The following APBA2 variants were observed in gnomAD, a reference collection of about 807,000 sequenced individuals.
APBA2 encodes amyloid-beta A4 precursor protein-binding family A member 2.
APBA2 carries 30 observed loss-of-function variants against 75.0 expected under a neutral mutation model. The observed-to-expected ratio is 0.40, with a 90% CI of 0.30 to 0.54. The LOEUF (loss-of-function observed/expected upper bound fraction) is 0.54. Ranked by LOEUF, APBA2 falls within the 20% of genes least tolerant of loss-of-function variation. The pLI is 0.49. For missense variants in APBA2, 801 were observed against 1,016.1 expected, an observed-to-expected ratio of 0.79 and a Z score of 2.88; for synonymous variants, 444 against 409.6, an observed-to-expected ratio of 1.08 and a Z score of -1.01.
At position 29,054,571 on chromosome 15, in the gene APBA2, C is replaced by T. The variant is rs143079268; in HGVS notation, c.687C>T (p.Ile229=). ...LEDQEEDIDQ[I]VAEIKMSLSM... is the part of the protein sequence containing the mutation. ...ACCAGGAGGAGGACATTGACCAGAT[C>T]GTGGCAGAGATCAAGATGAGTCTGA... Residue 229 remains isoleucine, a synonymous_variant, in exon 4 of 15, where the codon ATC becomes ATT. Coordinates refer to ENST00000683413, the MANE Select transcript of APBA2 (RefSeq NM_001353788.2). The surrounding 1 kb of genome is among the most constrained non-coding windows in gnomAD (Gnocchi z 6.1). The T allele has an allele frequency of 1.9e-4, 313 of 1,613,812 alleles. 1 individual carries two copies. The highest frequency in any genetic ancestry group is 2.3e-4 in the Non-Finnish European group (276 of 1,179,942).
intron 2 of APBA2, among the ~76,000 whole-genome samples, 167 bp from the exon 3 acceptor site, chr15:28,995,586 G>C (rs186016632): frequency 3.9e-5 from 6 of 152,226 alleles, no homozygotes; most frequent in Non-Finnish European, 7.4e-5. Flanking sequence ...TTAATTATTT[G>C]TTTAGGGTAA....
intron 2 of APBA2, among the ~76,000 whole-genome samples, chr15:28,952,764 A>G (rs2035957037): frequency 6.6e-6 from 1 of 152,212 alleles, no homozygotes; most frequent in Non-Finnish European, 1.5e-5. Context: ...CTGTGTTCCT[A>G]CAACTTGAAT....
intron 8 of APBA2, among the ~76,000 whole-genome samples, chr15:29,096,172 C>T (rs1374295438): frequency 6.6e-6 from 1 of 152,230 alleles, no homozygotes; most frequent in East Asian, 1.9e-4. Flanking sequence ...GGGATGACTG[C>T]AGGTCATGCC....
At position 28,935,335 on chromosome 15, in the gene APBA2, A is replaced by G. The variant is rs549680412; in HGVS notation, c.-95+13586A>G. Among the ~76,000 whole-genome samples, 229 of 152,212 alleles carry G rather than the reference A, an allele frequency of 1.5e-3. 3 individuals carry two copies. The highest frequency in any genetic ancestry group is 9.0e-4 in the Non-Finnish European group (61 of 68,010). On this transcript the variant is annotated intron_variant, in intron 2 of 14. Coordinates refer to ENST00000683413, the MANE Select transcript of APBA2 (RefSeq NM_001353788.2). The stretch of plus-strand genomic sequence containing the variant: ...GAAACGTGTCATCTGCATGGCAAGG[A>G]TGGGAATGGGGAGTGGGAACCTGCA...
intron 2 of APBA2, among the ~76,000 whole-genome samples, chr15:28,927,437 T>C (rs2034328658): frequency 1.3e-5 from 2 of 151,976 alleles, no homozygotes; most frequent in African/African-American, 4.8e-5. Context: ...ATTTTGAAAA[T>C]ATTTTGGCCA....
At position 29,006,920 on chromosome 15, in the gene APBA2, C is replaced by A. The variant is rs753365100; in HGVS notation, c.-41+11114C>A. 3.9e-4 allele frequency among the ~76,000 whole-genome samples: 59 copies of A among 152,156 alleles called. 1 individual carries two copies. Among genetic ancestry groups the A allele is most frequent in the Non-Finnish European group, 1.5e-4 (10 of 68,030 alleles). ...AAATAGGAAAATTCGTCCTAAAATTCTTGTGCAATCTCAAGGGACCCTGAA... is the reference window on the plus strand; with the variant it reads ...AAATAGGAAAATTCGTCCTAAAATTATTGTGCAATCTCAAGGGACCCTGAA... On this transcript the variant is annotated intron_variant, in intron 3 of 14. Coordinates refer to ENST00000683413, the MANE Select transcript of APBA2 (RefSeq NM_001353788.2).
In APBA2 at chr15:29,056,476, G is replaced by T. The variant is rs35232307; in HGVS notation, c.951+1641G>T. ...TGCTCTTGTCTGAGACACTGGAAAAGTTCATTTAAACTGGTTAATGATTGT... is the reference window on the plus strand; with the variant it reads ...TGCTCTTGTCTGAGACACTGGAAAATTTCATTTAAACTGGTTAATGATTGT... On this transcript the variant is annotated intron_variant, in intron 4 of 14. Coordinates refer to ENST00000683413, the MANE Select transcript of APBA2 (RefSeq NM_001353788.2). 9.2e-3 allele frequency among the ~76,000 whole-genome samples: 1,400 copies of T among 152,162 alleles called. 7 individuals are homozygous for T. Among genetic ancestry groups the T allele is most frequent in the Middle Eastern group, 0.045 (13 of 292 alleles).
intron 3 of APBA2, among the ~76,000 whole-genome samples, chr15:29,002,955 G>A (rs1255607745): frequency 3.3e-5 from 5 of 152,232 alleles, no homozygotes; most frequent in East Asian, 3.9e-4. Flanking sequence ...GAAGACGGGC[G>A]TTCCAGGCAA....
chr15:29,052,741 C>T lies in APBA2; in HGVS notation c.-40-1104C>T, dbSNP rs143892294. On this transcript the variant is annotated intron_variant, in intron 3 of 14. Transcript: ENST00000683413. Reference sequence around the variant, plus strand: ...TTATAAAGAATGGAGATTTGTTTCTCACAGTTCTGGAGGCTGGGAAGTCCA... The same window carrying T: ...TTATAAAGAATGGAGATTTGTTTCTTACAGTTCTGGAGGCTGGGAAGTCCA... Among the ~76,000 whole-genome samples the T allele has an allele frequency of 7.3e-3, 1,108 of 152,278 alleles. 15 individuals carry two copies. The highest frequency in any genetic ancestry group is 0.026 in the African/African-American group (1,068 of 41,552).
At chr15:28,927,576 C>CATT (rs2034337969) in intron 2 of APBA2, among the ~76,000 whole-genome samples, 1 of 151,710 alleles carries the variant, frequency 6.6e-6, no homozygotes, top group African/African-American at 2.4e-5. Flanking sequence ...CTCCCCAACC[C>CATT]ATTATTATTA....
At chr15:28,888,521 G>A (rs567414177) in intron 1 of APBA2, among the ~76,000 whole-genome samples, 22 of 152,322 alleles carry the variant, frequency 1.4e-4, no homozygotes, top group Admixed American at 9.1e-4. Flanking sequence ...CCTCTGCCAC[G>A]CATACCTGCC....
chr15:28,920,973 G>A (rs1293983119), intron 1 of APBA2, among the ~76,000 whole-genome samples: 1 of 152,144 alleles, frequency 6.6e-6, no homozygotes, highest in African/African-American at 2.4e-5. Context: ...TGCTGGCTGA[G>A]CGCTGATGGC....
At position 28,941,152 on chromosome 15, in the gene APBA2, A is replaced by G. The variant is rs139320851; in HGVS notation, c.-95+19403A>G. Among the ~76,000 whole-genome samples the G allele has an allele frequency of 2.6e-3, 403 of 152,328 alleles. 2 individuals are homozygous for G. The highest frequency in any genetic ancestry group is 9.3e-3 in the African/African-American group (385 of 41,576). On this transcript the variant is annotated intron_variant, in intron 2 of 14. Transcript: ENST00000683413. ...CTGAAATATATATCCTGCTTTTCTT[A>G]TGCAGGCCGCACTACTGGGTGAGCA...
chr15:28,899,245 C>T (rs887458834), intron 1 of APBA2, among the ~76,000 whole-genome samples: 7 of 152,340 alleles, frequency 4.6e-5, no homozygotes, highest in Middle Eastern at 3.4e-3. Context: ...TCCCCAGAGG[C>T]GCCCCATCTC....
At chr15:28,933,849 G>C (rs190524213) in intron 2 of APBA2, among the ~76,000 whole-genome samples, 2 of 152,354 alleles carry the variant, frequency 1.3e-5, no homozygotes, top group Admixed American at 1.3e-4. Context: ...ACTATCTGGG[G>C]TTTGATGCTG....
intron 8 of APBA2, among the ~76,000 whole-genome samples, chr15:29,098,002 G>C (rs2043932889): frequency 6.6e-6 from 1 of 152,196 alleles, no homozygotes; most frequent in African/African-American, 2.4e-5. Flanking sequence ...TGTGAAGGCT[G>C]AGTAGGCCTC....
At chr15:28,898,227 T>C (rs143949744) in intron 1 of APBA2, among the ~76,000 whole-genome samples, 1,952 of 152,344 alleles carry the variant, frequency 0.013, 47 homozygotes, top group African/African-American at 0.045. Flanking sequence ...CACCCAGTTT[T>C]GTGGTCATTT....
intron 2 of APBA2, among the ~76,000 whole-genome samples, chr15:28,968,130 G>A (rs752859037): frequency 1.7e-4 from 26 of 152,222 alleles, no homozygotes; most frequent in Non-Finnish European, 3.5e-4. Context: ...TGCCTGTGAA[G>A]GCTGAATAAT....
chr15:28,914,759 G>T (rs2033587898), intron 1 of APBA2, among the ~76,000 whole-genome samples: 1 of 151,996 alleles, frequency 6.6e-6, no homozygotes, highest in Non-Finnish European at 1.5e-5. Flanking sequence ...TGGGGACACA[G>T]CTCGTTCTTT....
Sources: allele counts gnomAD v4.1 joint callset (sites outside exome capture counted in the v4.1 genomes callset), GRCh38; gene constraint gnomAD v4.1.1; non-coding constraint Gnocchi (gnomAD v3.1); transcripts MANE v1.5; gene names NCBI Gene and HGNC (gene_info 2026-07-23, HGNC 2026-07-21).